KCNH8: variants seen among roughly 807,000 people sequenced by gnomAD.
The protein encoded by KCNH8 is voltage-gated delayed rectifier potassium channel KCNH8.
Under a neutral mutation model 103.6 loss-of-function variants are expected in KCNH8, and 70 were observed. The observed-to-expected ratio is 0.68, with a 90% CI of 0.56 to 0.82. The LOEUF is 0.82. Among genes scored for constraint, KCNH8 ranks in the 40% least tolerant of loss-of-function variants. The pLI, the probability that KCNH8 is intolerant of heterozygous loss-of-function variation, is 0.00. For missense variants in KCNH8, 1,217 were observed against 1,329.9 expected (o/e 0.92, Z 1.32); for synonymous variants, 498 against 489.4 (o/e 1.02, Z -0.23).
chr3:19,153,884 G>A (rs192773441), intron 1 of KCNH8, among the ~76,000 whole-genome samples: 28 of 151,796 alleles, frequency 1.8e-4, no homozygotes, highest in East Asian at 1.7e-3. Context: ...CACCCACCGC[G>A]CCCTCCCAAA....
chr3:19,306,559 A>G (rs1411446611), intron 3 of KCNH8, among the ~76,000 whole-genome samples: 1 of 152,222 alleles, frequency 6.6e-6, no homozygotes, highest in East Asian at 1.9e-4. Context: ...ACCTAAGGTC[A>G]TACAGCTAGC....
intron 1 of KCNH8, among the ~76,000 whole-genome samples, chr3:19,182,129 T>G (rs1177078104): frequency 6.6e-6 from 1 of 152,176 alleles, no homozygotes; most frequent in Admixed American, 6.5e-5. Flanking sequence ...CCATATATTC[T>G]TTGTTATTCT....
At chr3:19,529,765 T>C (rs1315553207) in intron 15 of KCNH8, among the ~76,000 whole-genome samples, 1 of 152,112 alleles carries the variant, frequency 6.6e-6, no homozygotes, top group African/African-American at 2.4e-5. Flanking sequence ...AAAAGAGAGA[T>C]CCCTTACTTA....
chr3:19,331,804 T>C (rs2065513946), intron 3 of KCNH8, among the ~76,000 whole-genome samples: 1 of 152,214 alleles, frequency 6.6e-6, no homozygotes, highest in African/African-American at 2.4e-5. Flanking sequence ...TTGATTGTAA[T>C]CACTCTGTTG....
intron 2 of KCNH8, among the ~76,000 whole-genome samples, chr3:19,273,362 A>G (rs1331181408): frequency 2.0e-5 from 3 of 152,202 alleles, no homozygotes; most frequent in Non-Finnish European, 4.4e-5. Flanking sequence ...AAGTGCTTAG[A>G]AGTAGCAATC....
At chr3:19,329,426 A>G (rs2065473421) in intron 3 of KCNH8, among the ~76,000 whole-genome samples, 1 of 152,238 alleles carries the variant, frequency 6.6e-6, no homozygotes, top group South Asian at 2.1e-4. Flanking sequence ...TAGAAACAGC[A>G]TAGGAACAAT....
chr3:19,353,421 A>G (rs1028850608), intron 5 of KCNH8, among the ~76,000 whole-genome samples: 49 of 152,282 alleles, frequency 3.2e-4, no homozygotes, highest in Admixed American at 1.4e-3. Flanking sequence ...CCTGGCAGAG[A>G]CAAAACAAAA....
intron 7 of KCNH8, among the ~76,000 whole-genome samples, chr3:19,403,400 A>AT (rs1553591408): frequency 9.2e-5 from 13 of 141,664 alleles, no homozygotes; most frequent in East Asian, 2.1e-4. Context: ...ATATATATAT[A>AT]AAATCCTTCT....
intron 3 of KCNH8, among the ~76,000 whole-genome samples, chr3:19,306,385 A>G (rs1332223504): frequency 6.6e-6 from 1 of 152,160 alleles, no homozygotes; most frequent in Non-Finnish European, 1.5e-5. Context: ...AAGGGAAAAT[A>G]ACATTTAAAG....
chr3:19,259,878 G>A (rs1036698455), intron 2 of KCNH8, among the ~76,000 whole-genome samples: 2 of 151,648 alleles, frequency 1.3e-5, no homozygotes, highest in African/African-American at 2.4e-5. Flanking sequence ...TCCAAAGGGG[G>A]AACCTCTATT....
At chr3:19,486,268 G>A (rs1305317632) in intron 11 of KCNH8, among the ~76,000 whole-genome samples, 1 of 152,216 alleles carries the variant, frequency 6.6e-6, no homozygotes, top group African/African-American at 2.4e-5. Context: ...GGAACAGGGT[G>A]GTGGGATTTA....
intron 1 of KCNH8, among the ~76,000 whole-genome samples, chr3:19,235,817 G>C (rs1332924108): frequency 2.6e-5 from 4 of 152,136 alleles, no homozygotes; most frequent in Admixed American, 2.0e-4. Flanking sequence ...GAAATGACTT[G>C]ATTTTCTTAA....
chr3:19,418,550 A>G (rs1279654321), intron 7 of KCNH8, among the ~76,000 whole-genome samples: 1 of 152,204 alleles, frequency 6.6e-6, no homozygotes, highest in Non-Finnish European at 1.5e-5. Context: ...AAGCCCAAAC[A>G]AAATATCTGT....
chr3:19,348,135 C>T (rs2065752789), intron 5 of KCNH8, among the ~76,000 whole-genome samples, 170 bp downstream of exon 5: 1 of 152,102 alleles, frequency 6.6e-6, no homozygotes, highest in South Asian at 2.1e-4. Flanking sequence ...AAAATTGCCT[C>T]TTCCAACTTT....
intron 1 of KCNH8, among the ~76,000 whole-genome samples, chr3:19,243,134 G>A (rs543382945): frequency 3.5e-4 from 53 of 152,222 alleles, no homozygotes; most frequent in African/African-American, 1.3e-3. Flanking sequence ...TATCACAGCT[G>A]CTTAATAAAC....
chr3:19,158,457 G>A (rs373975671), intron 1 of KCNH8, among the ~76,000 whole-genome samples: 1 of 151,602 alleles, frequency 6.6e-6, no homozygotes, highest in Non-Finnish European at 1.5e-5. Flanking sequence ...ATGACTTTAA[G>A]TATCAGATTT....
chr3:19,181,659 T>G (rs2063454392), intron 1 of KCNH8, among the ~76,000 whole-genome samples: 1 of 152,130 alleles, frequency 6.6e-6, no homozygotes, highest in Non-Finnish European at 1.5e-5. Flanking sequence ...ATAGAAAAGT[T>G]GAATAAGCAA....
intron 11 of KCNH8, among the ~76,000 whole-genome samples, chr3:19,501,199 C>T (rs1489222196): frequency 2.0e-5 from 3 of 152,200 alleles, no homozygotes; most frequent in African/African-American, 7.2e-5. Context: ...AATTCCTCGA[C>T]ACATACACTC....
chr3:19,345,170 A>C (rs543987277), intron 4 of KCNH8, among the ~76,000 whole-genome samples: 10 of 152,116 alleles, frequency 6.6e-5, no homozygotes, highest in Non-Finnish European at 1.5e-4. Context: ...CAATCAAATG[A>C]GAATGATATG....
Sources: gnomAD v4.1 joint callset for allele counts (sites outside exome capture counted in the v4.1 genomes callset) on GRCh38, gnomAD v4.1.1 for gene constraint, MANE v1.5 for transcripts, NCBI Gene and HGNC (gene_info 2026-07-23, HGNC 2026-07-21) for gene names.